Variants in CDHR1 observed in about 807,000 individuals in gnomAD.
The protein encoded by CDHR1 is cadherin related family member 1.
Under a neutral mutation model 72.1 loss-of-function variants are expected in CDHR1, and 61 were observed. That is an observed-to-expected ratio of 0.85 (90% CI 0.69 to 1.05). CDHR1 has a LOEUF of 1.05. CDHR1 is among the 50% of genes least tolerant of loss of function. The pLI, the probability that CDHR1 is intolerant of heterozygous loss-of-function variation, is 0.00. For missense variants in CDHR1, 1,186 were observed against 1,115.7 expected (o/e 1.06, Z -0.90); for synonymous variants, 470 against 448.1 (o/e 1.05, Z -0.62).
chr10:84,210,100 G>C (rs934203746), intron 12 of CDHR1, among the ~76,000 whole-genome samples: 2 of 152,174 alleles, frequency 1.3e-5, no homozygotes, highest in Non-Finnish European at 2.9e-5. Context: ...CACGCCTGTA[G>C]TCTCAGCTAC....
chr10:84,217,319 G>A lies in CDHR1; in HGVS notation c.*2698G>A, dbSNP rs369518176. The A allele has an allele frequency of 1.0e-6, 1 of 985,368 alleles. No individual in the cohort carries two copies. The highest frequency in any genetic ancestry group is 1.7e-5 in the African/African-American group (1 of 57,262). 61.0% of individuals were successfully genotyped at this position (985,368 alleles called of 1,614,324 possible). A position where few individuals can be genotyped will look rare whatever the true frequency, so the allele number is the denominator to read the frequency against. ...GGCAGGCTTGCCCATTCCTGGCCCTGAGAATGGAGCTGTAGCCTCATGGAC... is the reference window on the plus strand; with the variant it reads ...GGCAGGCTTGCCCATTCCTGGCCCTAAGAATGGAGCTGTAGCCTCATGGAC... On this transcript the variant is annotated 3_prime_UTR_variant, in exon 17 of 17. Transcript: ENST00000623527.
Position 84,211,116 on chromosome 10 carries a change from C to T in CDHR1, c.1436C>T (p.Ala479Val). The T allele has an allele frequency of 4.3e-6, 7 of 1,614,238 alleles. No individual in the cohort carries two copies. Among genetic ancestry groups the T allele is most frequent in the Non-Finnish European group, 5.9e-6 (7 of 1,180,046 alleles). The change falls in exon 13 of 17, where the codon GCC becomes GTC. Residue 479 changes from alanine (A) to valine (V), a missense_variant. Physicochemically the swap from Ala to Val is moderately conservative, Grantham distance 64. Coordinates refer to ENST00000623527, the MANE Select transcript of CDHR1 (RefSeq NM_033100.4). ...VPKFDSLYYV[A>V]RIPENAPGGS... ...AAGTTCGACTCCCTCTACTACGTTG[C>T]CAGGATTCCTGAGAACGCCCCAGGG...
At chr10:84,219,008 A>G, downstream of CDHR1, 1 of 627,404 alleles carries the variant, frequency 1.6e-6, no homozygotes, top group Non-Finnish European at 2.6e-6. Flanking sequence ...TAACCCTATG[A>G]GGTAAGGACT....
At chr10:84,199,528 T>C (rs1474304385) in intron 5 of CDHR1, among the ~76,000 whole-genome samples, 1 of 152,164 alleles carries the variant, frequency 6.6e-6, no homozygotes, top group Non-Finnish European at 1.5e-5. Context: ...AGTTATAACA[T>C]AAGCATTTTC....
rs779967616 is a variant in CDHR1 at position 84,204,596 on chromosome 10, C to T, written c.853C>T (p.Leu285Phe). The T allele has an allele frequency of 8.7e-6, 14 of 1,611,964 alleles. No homozygotes were observed. The Admixed American group carries it at 1.5e-4, about 17-fold the overall frequency. ...CAAACCCAATCGAATTCTCTACAGC[C>T]TTGTAAATGGTGAGTCTGAGCAGCT... ...RGKPNRILYS[L>F]VNGNDGAFEI... Residue 285 changes from leucine (L) to phenylalanine (F), a missense_variant, in exon 9 of 17, where the codon CTT becomes TTT. By Grantham distance (22) the Leu-to-Phe change is conservative (BLOSUM62 0). Transcript: ENST00000623527.
At chr10:84,197,213 G>A (rs961428099) in intron 3 of CDHR1, among the ~76,000 whole-genome samples, 3 of 152,172 alleles carry the variant, frequency 2.0e-5, no homozygotes. Context: ...GGACAGGGTA[G>A]AGAAAGGAAA....
chr10:84,195,633 GTGCA>G lies in CDHR1; in HGVS notation c.151+45_151+48del, dbSNP rs763732961. 54 of 1,530,690 alleles carry G rather than the reference GTGCA, an allele frequency of 3.5e-5. 1 individual carries two copies. In the South Asian group the frequency reaches 5.4e-4, roughly 15 times the overall value. 94.8% of individuals were successfully genotyped at this position (1,530,690 alleles called of 1,614,324 possible). A position where few individuals can be genotyped will look rare whatever the true frequency, so the allele number is the denominator to read the frequency against. On this transcript the variant is annotated intron_variant, in intron 2 of 16. Coordinates refer to ENST00000623527, the MANE Select transcript of CDHR1 (RefSeq NM_033100.4). ...TGCTCCCGATAGGTCTCCCTGAGGG[GTGCA>G]GGCAGACTTAGAACACAAAGTGCCC...
Position 84,200,572 on chromosome 10 carries a change from A to G in CDHR1, c.439-29A>G, listed in dbSNP as rs942049839. 6.5e-6 allele frequency: 10 copies of G among 1,532,088 alleles called. No homozygotes were observed. In the Admixed American group the frequency reaches 8.8e-5, roughly 14 times the overall value. The allele number at this position is 1,532,088 out of a possible 1,614,324, so 94.9% of individuals were successfully genotyped here. ...CCTGAGAATGCTGTCACTGTCTCTG[A>G]CCCTCCCCTGTGGCTGTGACCCCCT... On this transcript the variant is annotated intron_variant, in intron 5 of 16. Coordinates refer to ENST00000623527, the MANE Select transcript of CDHR1 (RefSeq NM_033100.4).
intron 12 of CDHR1, among the ~76,000 whole-genome samples, chr10:84,210,384 G>C (rs1253075519): frequency 6.6e-6 from 1 of 152,038 alleles, no homozygotes; most frequent in Non-Finnish European, 1.5e-5. Flanking sequence ...TCGTGCCTCA[G>C]CCTCCCGAGT....
rs965790777 is a variant in CDHR1, at chr10:84,215,456, A to C, written c.*835A>C. The C allele has an allele frequency of 1.0e-6, 1 of 985,198 alleles. No homozygotes were observed. Among genetic ancestry groups the C allele is most frequent in the African/African-American group, 1.7e-5 (1 of 57,244 alleles). 61.0% of individuals were successfully genotyped at this position (985,198 alleles called of 1,614,324 possible). A position where few individuals can be genotyped will look rare whatever the true frequency, so the allele number is the denominator to read the frequency against. ...CCAGCCATCCTTGAAGAGACAATTCAGGGCAGTTGATGAATATCAGGGCTG... is the reference window on the plus strand; with the variant it reads ...CCAGCCATCCTTGAAGAGACAATTCCGGGCAGTTGATGAATATCAGGGCTG... On this transcript the variant is annotated 3_prime_UTR_variant, in exon 17 of 17. Transcript: ENST00000623527.
intron 10 of CDHR1, among the ~76,000 whole-genome samples, chr10:84,207,228 G>A (rs1206712937): frequency 6.6e-6 from 1 of 152,154 alleles, no homozygotes; most frequent in East Asian, 1.9e-4. Flanking sequence ...AAGCACAGCT[G>A]CGGGAGCTGT....
In CDHR1 at chr10:84,218,362, A is replaced by G. The variant is rs1181399040; in HGVS notation, c.*3741A>G. ...GGTTTGATGTTATAAAATCGTGCAC[A>G]TGTACCCCTTTTGAGGCCTGAATGA... On this transcript the variant is annotated 3_prime_UTR_variant, in exon 17 of 17. Coordinates refer to ENST00000623527, the MANE Select transcript of CDHR1 (RefSeq NM_033100.4). 1 of 985,426 alleles carries G rather than the reference A, an allele frequency of 1.0e-6. No homozygotes were observed. Among genetic ancestry groups the G allele is most frequent in the Non-Finnish European group, 1.2e-6 (1 of 829,932 alleles). 61.0% of individuals were successfully genotyped at this position (985,426 alleles called of 1,614,324 possible).
At chr10:84,207,580 G>A (rs1842249490) in intron 10 of CDHR1, among the ~76,000 whole-genome samples, 1 of 152,164 alleles carries the variant, frequency 6.6e-6, no homozygotes, top group Non-Finnish European at 1.5e-5. Context: ...GGTTCACAAG[G>A]TACCTATGGG....
intron 8 of CDHR1, among the ~76,000 whole-genome samples, chr10:84,204,298 C>A (rs1040039016): frequency 6.6e-6 from 1 of 152,118 alleles, no homozygotes; most frequent in African/African-American, 2.4e-5. Context: ...GGTACTGACC[C>A]CTACTGGTGA....
intron 10 of CDHR1, 126 bp from the exon 11 acceptor site, chr10:84,208,048 G>A: frequency 1.2e-6 from 1 of 814,014 alleles, no homozygotes; most frequent in South Asian, 1.4e-5. Context: ...TTATCAGTTA[G>A]AACCAAGTTG....
In CDHR1 at chr10:84,204,464, T is replaced by C. The variant is rs1297538993; in HGVS notation, c.784-63T>C. On this transcript the variant is annotated intron_variant, in intron 8 of 16. Coordinates refer to ENST00000623527, the MANE Select transcript of CDHR1 (RefSeq NM_033100.4). Reference sequence around the variant, plus strand: ...CACCTCCTTTTCATCATGGAGACATTGTTTGGGGAGGGGAGGGTCCCCATA... The same window carrying C: ...CACCTCCTTTTCATCATGGAGACATCGTTTGGGGAGGGGAGGGTCCCCATA... The C allele has an allele frequency of 9.6e-6, 11 of 1,144,980 alleles. No individual in the cohort carries two copies. In the African/African-American group the frequency reaches 1.5e-4, roughly 16 times the overall value. The allele number at this position is 1,144,980 out of a possible 1,614,324, so 70.9% of individuals were successfully genotyped here.
chr10:84,195,309 G>A (rs1480588717), intron 1 of CDHR1, among the ~76,000 whole-genome samples, 185 bp from the exon 2 acceptor site: 1 of 152,206 alleles, frequency 6.6e-6, no homozygotes, highest in East Asian at 1.9e-4. Flanking sequence ...GGGGCGGAGT[G>A]GGGGTCAGGG....
chr10:84,214,556 A>G lies in CDHR1; in HGVS notation c.2515A>G (p.Thr839Ala). Residue 839 changes from threonine (T) to alanine (A), a missense_variant, in exon 17 of 17, where the codon ACT (threonine) becomes GCT (alanine). Coordinates refer to ENST00000623527, the MANE Select transcript of CDHR1 (RefSeq NM_033100.4). ...PKTMGSPVQS[T>A]LISELKQKFE... ...AACTATGGGAAGCCCCGTCCAGTCA[A>G]CTCTGATCTCTGAGCTCAAGCAAAA... 6.2e-7 allele frequency: 1 copy of G among 1,601,206 alleles called. No individual in the cohort carries two copies. Among genetic ancestry groups the G allele is most frequent in the Non-Finnish European group, 8.5e-7 (1 of 1,179,900 alleles).
chr10:84,211,484 G>A lies in CDHR1; in HGVS notation c.1486-164G>A, dbSNP rs187698197. On this transcript the variant is annotated intron_variant, in intron 13 of 16. Transcript: ENST00000623527. ...CTCTTTCAATACTTAAAACTTCTTGGAGGAAAACTAGGGATCCCGGGCAGG... is the reference window on the plus strand; with the variant it reads ...CTCTTTCAATACTTAAAACTTCTTGAAGGAAAACTAGGGATCCCGGGCAGG... Among the ~76,000 whole-genome samples, 43 of 152,268 alleles carry A rather than the reference G, an allele frequency of 2.8e-4. No homozygotes were observed. In the East Asian group the frequency reaches 3.7e-3, roughly 13 times the overall value.
Sources: allele counts gnomAD v4.1 joint callset (sites outside exome capture counted in the v4.1 genomes callset), GRCh38; gene constraint gnomAD v4.1.1; transcripts MANE v1.5; gene names NCBI Gene and HGNC (gene_info 2026-07-23, HGNC 2026-07-21).